Variants in MCU observed in about 807,000 individuals in gnomAD.
The protein encoded by MCU is calcium uniporter protein, mitochondrial.
A neutral mutation model predicts 45.2 loss-of-function variants in MCU; 12 were observed. The observed-to-expected ratio is 0.27, with a 90% CI of 0.17 to 0.43. MCU has a LOEUF of 0.43. Among genes scored for constraint, MCU ranks in the 20% least tolerant of loss-of-function variants. The probability of loss-of-function intolerance (pLI) is 1.00; values close to 1 mark genes in which losing one functional copy is unlikely to be tolerated. For synonymous variants in MCU, 160 were observed against 165.1 expected, an observed-to-expected ratio of 0.97 and a Z score of 0.24; for missense variants, 324 against 436.7, an observed-to-expected ratio of 0.74 and a Z score of 2.30.
At chr10:72,810,377 A>G (rs941206713) in intron 1 of MCU, among the ~76,000 whole-genome samples, 7 of 152,076 alleles carry the variant, frequency 4.6e-5, no homozygotes, top group African/African-American at 1.7e-4. Context: ...GTAGGGAAGA[A>G]GTCTGAGAGT....
At chr10:72,817,322 G>A (rs1362335892) in intron 1 of MCU, among the ~76,000 whole-genome samples, 1 of 152,138 alleles carries the variant, frequency 6.6e-6, no homozygotes, top group Middle Eastern at 3.2e-3. Context: ...TTCATCACAT[G>A]TCATTTCCTT....
chr10:72,775,210 C>T (rs1010794740), intron 1 of MCU, among the ~76,000 whole-genome samples: 2 of 151,920 alleles, frequency 1.3e-5, no homozygotes, highest in African/African-American at 2.4e-5. Flanking sequence ...TCTGACCACA[C>T]GGAATAAAAC....
intron 6 of MCU, among the ~76,000 whole-genome samples, chr10:72,873,402 C>G (rs942160287): frequency 2.0e-5 from 3 of 152,042 alleles, no homozygotes; most frequent in Non-Finnish European, 4.4e-5. Context: ...TGTATGTCTT[C>G]TTTTGAGAAA....
intron 5 of MCU, among the ~76,000 whole-genome samples, chr10:72,870,455 T>G (rs1012492290): frequency 1.1e-4 from 16 of 151,186 alleles, no homozygotes; most frequent in African/African-American, 2.7e-4. Flanking sequence ...ATTTTTTGTG[T>G]TTTTTTTTAG....
At chr10:72,692,485 G>A in intron 1 of MCU, 184 bp downstream of exon 1, 1 of 868,164 alleles carries the variant, frequency 1.2e-6, no homozygotes, top group Non-Finnish European at 1.4e-6. Flanking sequence ...GGAAGGGAGG[G>A]CGGGCGGGAG....
At position 72,887,039 on chromosome 10, in the gene MCU, A is replaced by G. The variant is rs1483067831; in HGVS notation, c.*1217A>G. The G allele has an allele frequency of 2.0e-5, 3 of 152,328 alleles. No individual in the cohort carries two copies. Among genetic ancestry groups the G allele is most frequent in the African/African-American group, 4.8e-5 (2 of 41,448 alleles). The allele number at this position is 152,328 out of a possible 1,614,324, so 9.4% of individuals were successfully genotyped here. ...AAAACATTTTCTACCATATTTCCAG[A>G]TGACATCTGCGCTTGAAGAGTCAAA... On this transcript the variant is annotated 3_prime_UTR_variant, in exon 8 of 8. Transcript: ENST00000373053.
At chr10:72,851,592 G>A (rs1238289799) in intron 2 of MCU, among the ~76,000 whole-genome samples, 1 of 152,136 alleles carries the variant, frequency 6.6e-6, no homozygotes, top group Non-Finnish European at 1.5e-5. Context: ...CATGTGCTGA[G>A]TCCTCTTCTG....
intron 1 of MCU, among the ~76,000 whole-genome samples, chr10:72,809,527 T>TA (rs1844505899): frequency 6.6e-6 from 1 of 152,186 alleles, no homozygotes; most frequent in Non-Finnish European, 1.5e-5. Flanking sequence ...GACGTACAAT[T>TA]AATTGAAATC....
chr10:72,805,131 C>CTTTCTTTCTTTCTT (rs1844418710), intron 1 of MCU, among the ~76,000 whole-genome samples: 1 of 137,886 alleles, frequency 7.3e-6, no homozygotes, highest in Non-Finnish European at 1.5e-5. Context: ...TTCTTTCTTT[C>CTTTCTTTCTTTCTT]TTTCTTTCTT....
intron 4 of MCU, among the ~76,000 whole-genome samples, chr10:72,864,526 CCTT>C (rs1206232696): frequency 6.6e-6 from 1 of 151,980 alleles, no homozygotes; most frequent in Non-Finnish European, 1.5e-5. Context: ...ATTTATTTTC[CCTT>C]CTTTATGATT....
rs578048143 is a variant in MCU at position 72,766,721 on chromosome 10, G to C, written c.151-67638G>C. On this transcript the variant is annotated intron_variant, in intron 1 of 7. Transcript: ENST00000373053. Reference sequence around the variant, plus strand: ...CATAGCCTTCTGATCCTGTATTTCTGATACTTATTGATCAATTATGATTGA... The same window carrying C: ...CATAGCCTTCTGATCCTGTATTTCTCATACTTATTGATCAATTATGATTGA... The C allele has an allele frequency of 2.0e-5, 3 of 152,190 alleles. No homozygotes were observed. The East Asian group carries it at 5.8e-4, about 29-fold the overall frequency. The allele number at this position is 152,190 out of a possible 1,614,324, so 9.4% of individuals were successfully genotyped here. A position where few individuals can be genotyped will look rare whatever the true frequency, so the allele number is the denominator to read the frequency against.
At chr10:72,881,299 A>G (rs1589512267) in intron 6 of MCU, among the ~76,000 whole-genome samples, 2 of 152,220 alleles carry the variant, frequency 1.3e-5, no homozygotes, top group South Asian at 2.1e-4. Context: ...ATGTATAGCT[A>G]TTCTCTTATA....
chr10:72,860,977 A>G (rs1378364398), intron 4 of MCU, among the ~76,000 whole-genome samples: 2 of 152,264 alleles, frequency 1.3e-5, no homozygotes, highest in African/African-American at 4.8e-5. Context: ...TTGTACAATA[A>G]TAATAGTTCT....
intron 1 of MCU, among the ~76,000 whole-genome samples, chr10:72,719,752 C>A (rs531107565): frequency 1.3e-5 from 2 of 152,314 alleles, no homozygotes; most frequent in Non-Finnish European, 2.9e-5. Flanking sequence ...TACAAACATA[C>A]AATTATATTC....
At chr10:72,744,663 A>G (rs959536044) in intron 1 of MCU, among the ~76,000 whole-genome samples, 1 of 152,214 alleles carries the variant, frequency 6.6e-6, no homozygotes, top group Non-Finnish European at 1.5e-5. Flanking sequence ...GAAAATGCCA[A>G]CTGGTCACAG....
chr10:72,730,198 T>A (rs937690136), intron 1 of MCU, among the ~76,000 whole-genome samples: 1 of 152,012 alleles, frequency 6.6e-6, no homozygotes, highest in Non-Finnish European at 1.5e-5. Context: ...TGACCTAAAG[T>A]AATCCGCTTG....
intron 2 of MCU, among the ~76,000 whole-genome samples, chr10:72,849,124 C>CA (rs1845167152): frequency 6.6e-6 from 1 of 151,502 alleles, no homozygotes; most frequent in Middle Eastern, 3.2e-3. Context: ...ACTAAAAATA[C>CA]AAAAAAATTA....
chr10:72,848,129 C>T (rs1332717580), intron 2 of MCU, among the ~76,000 whole-genome samples: 1 of 152,142 alleles, frequency 6.6e-6, no homozygotes, highest in Non-Finnish European at 1.5e-5. Context: ...GATGGTTCAA[C>T]TTATGGTTTT....
chr10:72,799,263 T>C (rs1469483760), intron 1 of MCU, among the ~76,000 whole-genome samples: 4 of 152,212 alleles, frequency 2.6e-5, no homozygotes, highest in Admixed American at 6.5e-5. Context: ...GTTTTCATTG[T>C]ATTGATATAA....
Sources: allele counts gnomAD v4.1 joint callset (sites outside exome capture counted in the v4.1 genomes callset), GRCh38; gene constraint gnomAD v4.1.1; transcripts MANE v1.5; gene names NCBI Gene and HGNC (gene_info 2026-07-23, HGNC 2026-07-21).